The following RASSF3 variants were observed in gnomAD, a reference collection of about 807,000 sequenced individuals.
The protein encoded by RASSF3 is ras association domain-containing protein 3.
Under a neutral mutation model 19.9 loss-of-function variants are expected in RASSF3, and 19 were observed. The observed-to-expected ratio is 0.96, with a 90% CI of 0.67 to 1.40. The LOEUF (loss-of-function observed/expected upper bound fraction) is 1.40. Among genes scored for constraint, RASSF3 ranks in the 40% most tolerant of loss-of-function variants. RASSF3 has a pLI of 0.00. For missense variants in RASSF3, 306 were observed against 289.8 expected, an observed-to-expected ratio of 1.06 and a Z score of -0.41; for synonymous variants, 110 against 104.2, an observed-to-expected ratio of 1.06 and a Z score of -0.34.
chr12:64,569,414 T>C (rs1592403698), intron 2 of RASSF3, among the ~76,000 whole-genome samples: 1 of 152,216 alleles, frequency 6.6e-6, no homozygotes, highest in African/African-American at 2.4e-5. Context: ...AGCTGCTTTG[T>C]GCAGTGCACA....
chr12:64,568,107 C>T (rs1386074231), intron 2 of RASSF3, among the ~76,000 whole-genome samples: 1 of 152,226 alleles, frequency 6.6e-6, no homozygotes, highest in Non-Finnish European at 1.5e-5. Flanking sequence ...TCTTGGCTCA[C>T]TGCAACCTCT....
intron 1 of RASSF3, among the ~76,000 whole-genome samples, chr12:64,651,520 C>T (rs1029864562): frequency 2.6e-5 from 4 of 152,022 alleles, no homozygotes; most frequent in Admixed American, 6.6e-5. Flanking sequence ...CCACCACACC[C>T]GGGTGATTTT....
downstream of RASSF3, among the ~76,000 whole-genome samples, chr12:64,544,516 C>G (rs995591009): frequency 1.3e-5 from 2 of 151,974 alleles, no homozygotes; most frequent in African/African-American, 2.4e-5. Context: ...ACCTGGGAGG[C>G]TGAGGTGGGA....
upstream of RASSF3, among the ~76,000 whole-genome samples, chr12:64,532,197 G>A (rs1221780924): frequency 6.6e-6 from 1 of 152,158 alleles, no homozygotes; most frequent in Non-Finnish European, 1.5e-5. Context: ...ATGGATTGCC[G>A]ACTGCGAGTT....
chr12:64,538,333 T>C (rs1868872946), intron 1 of RASSF3, among the ~76,000 whole-genome samples: 1 of 152,142 alleles, frequency 6.6e-6, no homozygotes, highest in South Asian at 2.1e-4. Context: ...CATATTGGAT[T>C]AGGGCCCATC....
chr12:64,547,395 C>T (rs1448374430), intron 2 of RASSF3, among the ~76,000 whole-genome samples: 1 of 151,930 alleles, frequency 6.6e-6, no homozygotes, highest in Non-Finnish European at 1.5e-5. Flanking sequence ...ATGAAACCCC[C>T]ATCTCTACTA....
At chr12:64,573,707 C>A (rs1422722390) in intron 2 of RASSF3, among the ~76,000 whole-genome samples, 2 of 152,172 alleles carry the variant, frequency 1.3e-5, no homozygotes, top group South Asian at 4.1e-4. Flanking sequence ...CACAACATGG[C>A]AGCTTGCTTT....
intron 1 of RASSF3, among the ~76,000 whole-genome samples, chr12:64,525,473 C>A (rs1180596214): frequency 2.0e-5 from 3 of 151,984 alleles, no homozygotes; most frequent in Non-Finnish European, 4.4e-5. Flanking sequence ...TTTTGTTTTC[C>A]CCCCATCTCC....
intron 1 of RASSF3, among the ~76,000 whole-genome samples, chr12:64,649,544 A>C (rs1297929021): frequency 6.6e-6 from 1 of 152,044 alleles, no homozygotes; most frequent in Non-Finnish European, 1.5e-5. Context: ...TTCTCTGCCC[A>C]CTCTGCAGGT....
intron 2 of RASSF3, chr12:64,575,610 C>T (rs971089967): frequency 1.3e-5 from 2 of 152,058 alleles, no homozygotes; most frequent in African/African-American, 4.8e-5. Context: ...TTTTCAACAT[C>T]TCCATATAGA....
At chr12:64,610,437 G>T, upstream of RASSF3, 1 of 184,208 alleles carries the variant, frequency 5.4e-6, no homozygotes, top group Non-Finnish European at 1.1e-5. Context: ...CGGGCGCACC[G>T]GGGCCGAGCC....
At position 64,621,718 on chromosome 12, in the gene RASSF3, C is replaced by T. The variant is rs573861954; in HGVS notation, c.111+10975C>T. On this transcript the variant is annotated intron_variant, in intron 1 of 4. Coordinates refer to ENST00000542104, the MANE Select transcript of RASSF3 (RefSeq NM_178169.4). ...AACTCCTGATCTCCGGTAATCTACC[C>T]GCCTGGGCCTCCCAAAGTGCTGGGA... Among the ~76,000 whole-genome samples, 11 of 152,292 alleles carry T rather than the reference C, an allele frequency of 7.2e-5. No homozygotes were observed. In the South Asian group the frequency reaches 1.9e-3, roughly 26 times the overall value.
At chr12:64,670,029 G>GTTT (rs376330782) in intron 1 of RASSF3, among the ~76,000 whole-genome samples, 2 of 146,450 alleles carry the variant, frequency 1.4e-5, no homozygotes, top group Non-Finnish European at 3.0e-5. Flanking sequence ...GGCAGTATCA[G>GTTT]TTTTTTTTTT....
intron 1 of RASSF3, among the ~76,000 whole-genome samples, chr12:64,680,450 C>T (rs1432073922): frequency 6.6e-6 from 1 of 151,936 alleles, no homozygotes; most frequent in Non-Finnish European, 1.5e-5. Flanking sequence ...GACTGCCCCA[C>T]ACTTAGGCAG....
intron 1 of RASSF3, among the ~76,000 whole-genome samples, chr12:64,680,239 G>C (rs2136215295): frequency 6.6e-6 from 1 of 152,220 alleles, no homozygotes; most frequent in Admixed American, 6.5e-5. Context: ...AAAGTTTTTA[G>C]AGTTAAGGGT....
At chr12:64,602,727 G>GA (rs1412573014) in intron 2 of RASSF3, among the ~76,000 whole-genome samples, 1 of 151,850 alleles carries the variant, frequency 6.6e-6, no homozygotes, top group Non-Finnish European at 1.5e-5. Flanking sequence ...CTCTAAAAAT[G>GA]AAAAAAAGAA....
At chr12:64,524,559 C>A (rs908493828) in intron 1 of RASSF3, among the ~76,000 whole-genome samples, 4 of 152,198 alleles carry the variant, frequency 2.6e-5, no homozygotes, top group Non-Finnish European at 5.9e-5. Flanking sequence ...TTCTCACGTA[C>A]AACACACCCC....
intron 2 of RASSF3, among the ~76,000 whole-genome samples, chr12:64,584,879 C>CTT (rs34522445): frequency 0.03 from 2,397 of 80,736 alleles, 203 homozygotes; most frequent in African/African-American, 0.06. Flanking sequence ...CAGAAGGATT[C>CTT]TTTTTTTTTT....
Position 64,610,599 on chromosome 12 carries a change from G to C in RASSF3, c.-34G>C, listed in dbSNP as rs762299445. On this transcript the variant is annotated 5_prime_UTR_variant, in exon 1 of 5. Transcript: ENST00000542104. ...CCCCCTCCCTGGCCGCCTGCGCCCC[G>C]GGGAGGCCGCCCGCGCGCGACGGGA... 3.6e-6 allele frequency: 5 copies of C among 1,401,346 alleles called. No homozygotes were observed. The highest frequency in any genetic ancestry group is 3.8e-6 in the Non-Finnish European group (4 of 1,052,326). The allele number at this position is 1,401,346 out of a possible 1,614,324, so 86.8% of individuals were successfully genotyped here. A position where few individuals can be genotyped will look rare whatever the true frequency, so the allele number is the denominator to read the frequency against.
Sources: allele counts gnomAD v4.1 joint callset (sites outside exome capture counted in the v4.1 genomes callset), GRCh38; gene constraint gnomAD v4.1.1; transcripts MANE v1.5; gene names NCBI Gene and HGNC (gene_info 2026-07-23, HGNC 2026-07-21).